The following CRBN variants were observed in gnomAD, a reference collection of about 807,000 sequenced individuals.
The protein encoded by CRBN is protein cereblon.
Under a neutral mutation model 62.2 loss-of-function variants are expected in CRBN, and 53 were observed. The observed-to-expected ratio is 0.85, with a 90% CI of 0.68 to 1.07. The LOEUF is 1.07. CRBN is among the 50% of genes least tolerant of loss of function. CRBN has a pLI of 0.00. For missense variants in CRBN, 616 were observed against 531.1 expected, an observed-to-expected ratio of 1.16 and a Z score of -1.57; for synonymous variants, 208 against 176.1, an observed-to-expected ratio of 1.18 and a Z score of -1.43.
At chr3:3,158,948 A>G (rs1442080274) in intron 5 of CRBN, among the ~76,000 whole-genome samples, 1 of 152,154 alleles carries the variant, frequency 6.6e-6, no homozygotes, top group African/African-American at 2.4e-5. Flanking sequence ...AGTTACTGCC[A>G]TGGTTTTCTC....
intron 5 of CRBN, among the ~76,000 whole-genome samples, chr3:3,157,452 T>C (rs1706945195): frequency 6.6e-6 from 1 of 152,174 alleles, no homozygotes; most frequent in Non-Finnish European, 1.5e-5. Context: ...AAGGCACTTT[T>C]AACAGACCAG....
intron 2 of CRBN, among the ~76,000 whole-genome samples, chr3:3,174,823 T>C (rs1707765208): frequency 6.6e-6 from 1 of 152,204 alleles, no homozygotes; most frequent in African/African-American, 2.4e-5. Context: ...AGTATTATTT[T>C]TACCAAGAAA....
intron 1 of CRBN, among the ~76,000 whole-genome samples, chr3:3,179,252 T>C (rs1707963283): frequency 6.6e-6 from 1 of 152,190 alleles, no homozygotes; most frequent in Non-Finnish European, 1.5e-5. Context: ...TAGCTGTCAC[T>C]CTTATTAAAA....
chr3:3,177,467 A>G (rs1027832354), intron 1 of CRBN, among the ~76,000 whole-genome samples: 2 of 152,204 alleles, frequency 1.3e-5, no homozygotes, highest in Non-Finnish European at 2.9e-5. Context: ...CACTTCATAC[A>G]AATTTTCCTT....
intron 6 of CRBN, chr3:3,156,012 C>T (rs566902855): frequency 5.5e-6 from 3 of 546,220 alleles, no homozygotes; most frequent in South Asian, 2.2e-5. Flanking sequence ...CCATGTTGCC[C>T]AGGCTGGTCT....
chr3:3,153,161 C>CA, intron 9 of CRBN: 2 of 422,494 alleles, frequency 4.7e-6, no homozygotes, highest in Non-Finnish European at 8.7e-6. Flanking sequence ...TATAGATTGT[C>CA]AACAAGAATT....
At chr3:3,156,133 G>T in intron 6 of CRBN, 86 bp downstream of exon 6, 1 of 1,164,918 alleles carries the variant, frequency 8.6e-7, no homozygotes, top group East Asian at 2.4e-5. Flanking sequence ...ACTAGAAACT[G>T]GAAAAACTAA....
At chr3:3,173,876 T>G in intron 3 of CRBN, 183 bp downstream of exon 3, 1 of 634,740 alleles carries the variant, frequency 1.6e-6, no homozygotes, top group Admixed American at 2.4e-5. Flanking sequence ...TAGATGGTAA[T>G]GAAATGAACA....
At chr3:3,173,953 A>G (rs1575100371) in intron 3 of CRBN, 106 bp downstream of exon 3, 2 of 959,816 alleles carry the variant, frequency 2.1e-6, no homozygotes, top group East Asian at 2.4e-5. Context: ...TTCTTACCCA[A>G]CCTCTCCTGT....
chr3:3,174,546 C>T (rs1256019876), intron 2 of CRBN, among the ~76,000 whole-genome samples: 7 of 152,114 alleles, frequency 4.6e-5, no homozygotes, highest in African/African-American at 1.7e-4. Context: ...GAGGCTGAGG[C>T]AGGGGAATCA....
In CRBN at chr3:3,175,146, G is replaced by C. The variant is rs755968714; in HGVS notation, c.174+17C>G. On this transcript the variant is annotated intron_variant, in intron 2 of 10. Coordinates refer to ENST00000231948, the MANE Select transcript of CRBN (RefSeq NM_016302.4). Reference sequence around the variant, plus strand: ...AATGTATATCTATTATATTAGATCTGTCACTAAATTACATACTGTATGTGA... The same window carrying C: ...AATGTATATCTATTATATTAGATCTCTCACTAAATTACATACTGTATGTGA... 71 of 1,463,810 alleles carry C rather than the reference G, an allele frequency of 4.9e-5. No homozygotes were observed. Among genetic ancestry groups the C allele is most frequent in the Non-Finnish European group, 6.2e-5 (65 of 1,043,712 alleles). 90.7% of individuals were successfully genotyped at this position (1,463,810 alleles called of 1,614,324 possible).
chr3:3,150,636 C>G lies in CRBN; in HGVS notation c.*229G>C. On this transcript the variant is annotated 3_prime_UTR_variant, in exon 11 of 11. Transcript: ENST00000231948. ...CACAGGATAATGGCACCAAGCTACCCAAGTAGATGTTTCTGGTATTCTAGA... is the reference window on the plus strand; with the variant it reads ...CACAGGATAATGGCACCAAGCTACCGAAGTAGATGTTTCTGGTATTCTAGA... 2.2e-6 allele frequency: 1 copy of G among 462,844 alleles called. No individual in the cohort carries two copies. The highest frequency in any genetic ancestry group is 4.0e-6 in the Non-Finnish European group (1 of 251,824). The allele number at this position is 462,844 out of a possible 1,614,324, so 28.7% of individuals were successfully genotyped here.
intron 4 of CRBN, 67 bp from the exon 5 acceptor site, chr3:3,167,860 TA>T: frequency 6.8e-7 from 1 of 1,461,864 alleles, no homozygotes; most frequent in Non-Finnish European, 9.5e-7. Context: ...TATAAGTTTC[TA>T]AACAGTGATA....
rs779813148 is a variant in CRBN at position 3,179,671 on chromosome 3, TCTC to T, written c.14_16del (p.Gly5del). 1.9e-6 allele frequency: 3 copies of T among 1,612,884 alleles called. No individual in the cohort carries two copies. The highest frequency in any genetic ancestry group is 1.7e-5 in the Admixed American group (1 of 59,966). On this transcript the variant is annotated inframe_deletion, in exon 1 of 11. Transcript: ENST00000231948. ...CATGTTGTGCGCAGCGTCCTGCTGATCTCCTTCGCCGGCCATGTCTGTTTACCC... is the reference window on the plus strand; with the variant it reads ...CATGTTGTGCGCAGCGTCCTGCTGATCTTCGCCGGCCATGTCTGTTTACCC...
intron 5 of CRBN, among the ~76,000 whole-genome samples, chr3:3,159,394 C>G (rs1005543742): frequency 3.9e-5 from 6 of 152,118 alleles, no homozygotes; most frequent in Admixed American, 2.6e-4. Context: ...TTAAAATATA[C>G]TTCACATATC....
At chr3:3,155,887 G>A (rs914450848) in intron 6 of CRBN, 11 of 279,448 alleles carry the variant, frequency 3.9e-5, no homozygotes, top group African/African-American at 2.2e-4. Flanking sequence ...GCTCACGGCA[G>A]CCTTGACCTC....
At chr3:3,161,934 G>A (rs1163618123) in intron 5 of CRBN, among the ~76,000 whole-genome samples, 4 of 152,106 alleles carry the variant, frequency 2.6e-5, no homozygotes, top group African/African-American at 7.2e-5. Flanking sequence ...AAGATACACC[G>A]TTAAGAAAAA....
chr3:3,153,042 A>T (rs897257296), intron 9 of CRBN: 6 of 304,308 alleles, frequency 2.0e-5, no homozygotes, highest in Non-Finnish European at 3.8e-5. Context: ...TCAGAGCATC[A>T]GTATGTGTTC....
chr3:3,150,038 C>T lies in CRBN; in HGVS notation c.*827G>A, dbSNP rs1706393188. On this transcript the variant is annotated 3_prime_UTR_variant, in exon 11 of 11. Transcript: ENST00000231948. ...TAGTTTCACACTTAAGGTTTACTTACTTACAGATTTTCTTCAATTTACATT... is the reference window on the plus strand; with the variant it reads ...TAGTTTCACACTTAAGGTTTACTTATTTACAGATTTTCTTCAATTTACATT... 1 of 152,138 alleles carries T rather than the reference C, an allele frequency of 6.6e-6. No individual in the cohort carries two copies. The highest frequency in any genetic ancestry group is 2.4e-5 in the African/African-American group (1 of 41,432). 9.4% of individuals were successfully genotyped at this position (152,138 alleles called of 1,614,324 possible).
Sources: allele counts gnomAD v4.1 joint callset (sites outside exome capture counted in the v4.1 genomes callset), GRCh38; gene constraint gnomAD v4.1.1; transcripts MANE v1.5; gene names NCBI Gene and HGNC (gene_info 2026-07-23, HGNC 2026-07-21).